Variants in UMODL1 observed in about 807,000 individuals in gnomAD.
UMODL1 encodes the protein uromodulin-like 1.
UMODL1 carries 128 observed loss-of-function variants against 136.3 expected under a neutral mutation model. The observed-to-expected ratio is 0.94, with a 90% CI of 0.81 to 1.09. The LOEUF is 1.09. Ranked by LOEUF, UMODL1 falls within the 50% of genes least tolerant of loss-of-function variation. The pLI is 0.00. For synonymous variants in UMODL1, 721 were observed against 720.0 expected (o/e 1.00, Z -0.02); for missense variants, 1,766 against 1,725.6 (o/e 1.02, Z -0.41).
chr21:42,123,244 T>G lies in UMODL1; in HGVS notation c.3147+94T>G. 7.1e-7 allele frequency: 1 copy of G among 1,414,492 alleles called. No homozygotes were observed. The highest frequency in any genetic ancestry group is 2.3e-5 in the Admixed American group (1 of 43,766). The allele number at this position is 1,414,492 out of a possible 1,614,324, so 87.6% of individuals were successfully genotyped here. A position where few individuals can be genotyped will look rare whatever the true frequency, so the allele number is the denominator to read the frequency against. ...GATGTGGGAGGGCCAGGCAAGACTC[T>G]GCACCCCGAGGGGAACCCAGCAAGG... On this transcript the variant is annotated intron_variant, in intron 17 of 22. Coordinates refer to ENST00000408910, the MANE Select transcript of UMODL1 (RefSeq NM_001004416.3). This position sits in a 1 kb window ranked among gnomAD's most constrained non-coding sequence, Gnocchi z 4.4.
intron 22 of UMODL1, among the ~76,000 whole-genome samples, chr21:42,141,543 C>T (rs954263533): frequency 9.9e-5 from 15 of 152,246 alleles, no homozygotes; most frequent in African/African-American, 3.6e-4. Context: ...TGTATTGGTG[C>T]TGGGTCATGC....
chr21:42,142,407 CG>C lies in UMODL1; in HGVS notation c.*335del, dbSNP rs1056470009. ...TGCTGCGGCTACACCACCACCCGCG[CG>C]GCCCCCGCAGCCTAGACCTCCCAGG... On this transcript the variant is annotated 3_prime_UTR_variant, in exon 23 of 23. Transcript: ENST00000408910. The C allele has an allele frequency of 2.0e-5, 3 of 152,300 alleles. No individual in the cohort carries two copies. The highest frequency in any genetic ancestry group is 7.2e-5 in the African/African-American group (3 of 41,470). The allele number at this position is 152,300 out of a possible 1,614,324, so 9.4% of individuals were successfully genotyped here.
chr21:42,091,247 T>C (rs1191410083), intron 6 of UMODL1, among the ~76,000 whole-genome samples: 1 of 152,188 alleles, frequency 6.6e-6, no homozygotes. Context: ...TGGAGACATT[T>C]TGGCGCATGA....
chr21:42,068,408 C>T (rs972297245), upstream of UMODL1, among the ~76,000 whole-genome samples: 3 of 152,138 alleles, frequency 2.0e-5, no homozygotes, highest in Non-Finnish European at 4.4e-5. This position sits in a 1 kb window ranked among gnomAD's most constrained non-coding sequence, Gnocchi z 5.5. Flanking sequence ...GTTAAGTCAC[C>T]GCCGCTGTCA....
chr21:42,127,881 T>C (rs1156719484), intron 20 of UMODL1, 50 bp downstream of exon 20: 16 of 1,605,946 alleles, frequency 1.0e-5, no homozygotes, highest in Non-Finnish European at 1.4e-5. Context: ...ACGTTCCTTA[T>C]TGTTACGGTT....
At chr21:42,131,756 A>T (rs1468328335) in intron 21 of UMODL1, among the ~76,000 whole-genome samples, 1 of 152,090 alleles carries the variant, frequency 6.6e-6, no homozygotes. Context: ...AGGCCTACAC[A>T]CAGAATCTCT....
At position 42,099,112 on chromosome 21, in the gene UMODL1, T is replaced by C. The variant is rs1601211845; in HGVS notation, c.1118T>C (p.Leu373Pro). ...LAVAGLEAGVLYRVKTSYQGC... is the reference protein window; with the variant it reads ...LAVAGLEAGVPYRVKTSYQGC... ...GTGGCTGGGCTGGAGGCTGGAGTGC[T>C]GTACAGGGTGAAGACCAGCTACCAG... Residue 373 changes from leucine (L) to proline (P), a missense_variant, in exon 7 of 23, where the codon CTG becomes CCG. Physicochemically the swap from Leu to Pro is moderately conservative, Grantham distance 98. Transcript: ENST00000408910. The surrounding 1 kb of genome is among the most constrained non-coding windows in gnomAD (Gnocchi z 4.1). 1.9e-6 allele frequency: 3 copies of C among 1,614,052 alleles called. No homozygotes were observed. The highest frequency in any genetic ancestry group is 1.3e-5 in the African/African-American group (1 of 75,036).
Position 42,119,301 on chromosome 21 carries a change from T to A in UMODL1, c.2666T>A (p.Ile889Asn). Residue 889 changes from isoleucine (I) to asparagine (N), a missense_variant, in exon 15 of 23, where the codon ATC becomes AAC. Physicochemically the swap from Ile to Asn is moderately radical, Grantham distance 149. Coordinates refer to ENST00000408910, the MANE Select transcript of UMODL1 (RefSeq NM_001004416.3). ...AFQTVPLLEVIRGDTFIQDYD... is the reference protein window; with the variant it reads ...AFQTVPLLEVNRGDTFIQDYD... ...CAGACCGTGCCTCTGCTGGAGGTGA[T>A]CAGAGGCGACACCTTCATACAGGGT... 6.2e-7 allele frequency: 1 copy of A among 1,614,020 alleles called. No homozygotes were observed. The highest frequency in any genetic ancestry group is 8.5e-7 in the Non-Finnish European group (1 of 1,179,998).
At chr21:42,098,230 A>G (rs1167737980) in intron 6 of UMODL1, among the ~76,000 whole-genome samples, 1 of 152,118 alleles carries the variant, frequency 6.6e-6, no homozygotes, top group Admixed American at 6.5e-5. Context: ...AGAGAGCCCC[A>G]CGACTCAATG....
At chr21:42,068,928 G>T (rs2066205546), upstream of UMODL1, among the ~76,000 whole-genome samples, 1 of 152,226 alleles carries the variant, frequency 6.6e-6, no homozygotes, top group Non-Finnish European at 1.5e-5. This position sits in a 1 kb window ranked among gnomAD's most constrained non-coding sequence, Gnocchi z 5.5. Flanking sequence ...CACACCAGTG[G>T]CCTCCATTGT....
chr21:42,093,563 TG>T (rs747119133), intron 6 of UMODL1: 1 of 223,154 alleles, frequency 4.5e-6, no homozygotes, highest in Non-Finnish European at 9.1e-6. Flanking sequence ...GGCGAGGGGT[TG>T]GGGGAGTGGA....
chr21:42,063,275 G>C (rs2066156310), intron 1 of UMODL1: 1 of 152,288 alleles, frequency 6.6e-6, no homozygotes, highest in South Asian at 2.1e-4. Context: ...CAGGGGTGCA[G>C]GGGGCTGCCA....
At chr21:42,086,098 GAC>G (rs1230475705) in intron 4 of UMODL1, among the ~76,000 whole-genome samples, 1 of 152,200 alleles carries the variant, frequency 6.6e-6, no homozygotes. Context: ...TCCCAGTGTG[GAC>G]AGGGCGCTGC....
At position 42,104,101 on chromosome 21, in the gene UMODL1, AC is replaced by A; in HGVS notation, c.1519+17del. ...CACGCGTGCAAGGTATGGCCCAGCC[AC>A]CCGCCCTGCTGCCTGGTGTCCTCCA... On this transcript the variant is annotated intron_variant, in intron 9 of 22. Coordinates refer to ENST00000408910, the MANE Select transcript of UMODL1 (RefSeq NM_001004416.3). 1 of 1,595,874 alleles carries A rather than the reference AC, an allele frequency of 6.3e-7. No individual in the cohort carries two copies. Among genetic ancestry groups the A allele is most frequent in the Non-Finnish European group, 8.6e-7 (1 of 1,167,644 alleles).
chr21:42,129,708 A>G lies in UMODL1; in HGVS notation c.3691-5A>G, dbSNP rs778325048. 6.4e-7 allele frequency: 1 copy of G among 1,574,172 alleles called. No individual in the cohort carries two copies. The highest frequency in any genetic ancestry group is 8.6e-7 in the Non-Finnish European group (1 of 1,167,442). On this transcript the variant is annotated splice_region_variant and splice_polypyrimidine_tract_variant and intron_variant, in intron 20 of 22. Transcript: ENST00000408910. ...ACGTTTCTCTTCTTGGAAAAAAAAA[A>G]ACAGAATTGCAATAACTTTCGGTTG...
At chr21:42,104,189 G>C in intron 9 of UMODL1, 102 bp downstream of exon 9, 2 of 1,251,048 alleles carry the variant, frequency 1.6e-6, no homozygotes, top group Non-Finnish European at 2.2e-6. Flanking sequence ...AAAGGGTAAA[G>C]AAATGCAAAT....
upstream of UMODL1, among the ~76,000 whole-genome samples, chr21:42,070,145 G>A (rs537134926): frequency 3.3e-5 from 5 of 152,272 alleles, no homozygotes; most frequent in East Asian, 1.9e-4. Context: ...ACGTTGGTGC[G>A]GGAGTTAGGC....
At position 42,085,975 on chromosome 21, in the gene UMODL1, A is replaced by G. The variant is rs2066422298; in HGVS notation, c.603+563A>G. On this transcript the variant is annotated intron_variant, in intron 4 of 22. Coordinates refer to ENST00000408910, the MANE Select transcript of UMODL1 (RefSeq NM_001004416.3). The surrounding 1 kb of genome is among the most constrained non-coding windows in gnomAD (Gnocchi z 4.5). ...CGCCCACTGTCCCCTGGGGATAAAAACAAACACCCTGGCTGACCCTTGCTG... is the reference window on the plus strand; with the variant it reads ...CGCCCACTGTCCCCTGGGGATAAAAGCAAACACCCTGGCTGACCCTTGCTG... Among the ~76,000 whole-genome samples, 2 of 152,198 alleles carry G rather than the reference A, an allele frequency of 1.3e-5. No individual in the cohort carries two copies. The highest frequency in any genetic ancestry group is 1.3e-4 in the Admixed American group (2 of 15,284).
chr21:42,068,480 A>C (rs2066201402), upstream of UMODL1, among the ~76,000 whole-genome samples: 1 of 152,032 alleles, frequency 6.6e-6, no homozygotes, highest in Non-Finnish European at 1.5e-5. The surrounding 1 kb of genome is among the most constrained non-coding windows in gnomAD (Gnocchi z 5.5). Context: ...CCAAGTCCAA[A>C]CCATTTTTTG....
Sources: gnomAD v4.1 joint callset for allele counts (sites outside exome capture counted in the v4.1 genomes callset) on GRCh38, gnomAD v4.1.1 for gene constraint, Gnocchi (gnomAD v3.1) non-coding constraint, MANE v1.5 for transcripts, NCBI Gene and HGNC (gene_info 2026-07-23, HGNC 2026-07-21) for gene names.